Variants in PTPN13 observed in about 807,000 individuals in gnomAD.
PTPN13 encodes the protein tyrosine-protein phosphatase non-receptor type 13.
A neutral mutation model predicts 284.0 loss-of-function variants in PTPN13; 191 were observed. That is an observed-to-expected ratio of 0.67 (90% confidence interval 0.60 to 0.76). The LOEUF (loss-of-function observed/expected upper bound fraction) is 0.76, where lower values mean the gene tolerates loss of function less well. Among genes scored for constraint, PTPN13 ranks in the 30% least tolerant of loss-of-function variants. The pLI is 0.00. For synonymous variants in PTPN13, 986 were observed against 1,022.3 expected (o/e 0.96, Z 0.68); for missense variants, 2,797 against 2,939.9 (o/e 0.95, Z 1.12).
At chr4:86,808,007 C>A in intron 45 of PTPN13, 110 bp downstream of exon 45, 1 of 946,390 alleles carries the variant, frequency 1.1e-6, no homozygotes, top group Non-Finnish European at 1.6e-6. Flanking sequence ...AAGACAGTGA[C>A]TTCCTAGTTC....
At chr4:86,779,224 T>C (rs1741001831) in intron 35 of PTPN13, among the ~76,000 whole-genome samples, 1 of 152,004 alleles carries the variant, frequency 6.6e-6, no homozygotes, top group African/African-American at 2.4e-5. Flanking sequence ...AATGCCAGTT[T>C]CCTCTACGGT....
At position 86,803,828 on chromosome 4, in the gene PTPN13, G is replaced by A; in HGVS notation, c.6625G>A (p.Asp2209Asn). 1 of 1,613,784 alleles carries A rather than the reference G, an allele frequency of 6.2e-7. No individual in the cohort carries two copies. ...SVIRVLRGLL[D>N]QGIPSKELEN... ...CATTCGAGTCCTGCGGGGTTTGCTA[G>A]ATCAAGGAATTCCTTCTAAGGAGCT... is the stretch of plus-strand genomic sequence containing the variant. The change falls in exon 43 of 48, where the codon GAT (aspartate) becomes AAT (asparagine). Residue 2209 changes from aspartate (D) to asparagine (N), a missense_variant. By Grantham distance (23) the Asp-to-Asn change is conservative (BLOSUM62 1). Transcript: ENST00000411767.
At chr4:86,704,877 A>G (rs1731558469) in intron 7 of PTPN13, among the ~76,000 whole-genome samples, 1 of 152,236 alleles carries the variant, frequency 6.6e-6, no homozygotes, top group Non-Finnish European at 1.5e-5. Flanking sequence ...CCATTATTAT[A>G]TAGTAACTTG....
intron 1 of PTPN13, among the ~76,000 whole-genome samples, chr4:86,610,070 C>T (rs147051317): frequency 0.028 from 4,298 of 151,950 alleles, 201 homozygotes; most frequent in African/African-American, 0.09. Flanking sequence ...AAAAATTGGC[C>T]GGGTGTGGTG....
chr4:86,733,703 T>C (rs1023272398), intron 12 of PTPN13, among the ~76,000 whole-genome samples: 1 of 152,132 alleles, frequency 6.6e-6, no homozygotes, highest in Non-Finnish European at 1.5e-5. Flanking sequence ...CATCCAAATA[T>C]CTATTTATAC....
Position 86,787,548 on chromosome 4 carries a change from C to T in PTPN13, c.6345+1612C>T, listed in dbSNP as rs112819447. On this transcript the variant is annotated intron_variant, in intron 40 of 47. Coordinates refer to ENST00000411767, the MANE Select transcript of PTPN13 (RefSeq NM_080683.3). ...CGGAGGTTGCGGTGAGCCGAAATCACGCCATTGCCCTCCAGCCTGGGCAAC... is the reference window on the plus strand; with the variant it reads ...CGGAGGTTGCGGTGAGCCGAAATCATGCCATTGCCCTCCAGCCTGGGCAAC... Among the ~76,000 whole-genome samples the T allele has an allele frequency of 1.3e-3, 203 of 151,008 alleles. 2 individuals carry two copies. The highest frequency in any genetic ancestry group is 4.3e-3 in the African/African-American group (175 of 41,144).
At chr4:86,665,286 T>C (rs1726943691) in intron 2 of PTPN13, among the ~76,000 whole-genome samples, 1 of 152,176 alleles carries the variant, frequency 6.6e-6, no homozygotes, top group Non-Finnish European at 1.5e-5. Context: ...AAAATATCTT[T>C]TATCTCCTAT....
chr4:86,779,723 A>C (rs1436345230), intron 35 of PTPN13, among the ~76,000 whole-genome samples: 1 of 152,106 alleles, frequency 6.6e-6, no homozygotes, highest in East Asian at 1.9e-4. Flanking sequence ...AATACTGTAC[A>C]CCTTAGGCAA....
chr4:86,711,669 G>C (rs147898638), intron 7 of PTPN13, among the ~76,000 whole-genome samples: 1,778 of 152,204 alleles, frequency 0.012, 11 homozygotes, highest in Non-Finnish European at 0.021. Flanking sequence ...ATGGACCCTA[G>C]TACACTAATT....
chr4:86,763,238 A>C (rs763919295), intron 24 of PTPN13, 48 bp downstream of exon 24: 13 of 1,437,522 alleles, frequency 9.0e-6, no homozygotes, highest in Non-Finnish European at 1.2e-5. Flanking sequence ...ACAAAGCAAA[A>C]TAGCAGCAAA....
chr4:86,760,861 A>G (rs934200368), intron 23 of PTPN13, among the ~76,000 whole-genome samples: 4 of 152,082 alleles, frequency 2.6e-5, no homozygotes, highest in Admixed American at 6.6e-5. Context: ...CTTTGAAAAG[A>G]GGTAAAACCC....
intron 1 of PTPN13, among the ~76,000 whole-genome samples, chr4:86,615,700 C>T (rs1720461299): frequency 6.6e-6 from 1 of 151,972 alleles, no homozygotes; most frequent in African/African-American, 2.4e-5. Context: ...AAGAGTTTTT[C>T]TATATTATTA....
chr4:86,726,581 G>A (rs1267927491), intron 10 of PTPN13, among the ~76,000 whole-genome samples: 1 of 149,062 alleles, frequency 6.7e-6, no homozygotes, highest in Non-Finnish European at 1.5e-5. Flanking sequence ...TGTAGTAATT[G>A]TGAATGGGAA....
chr4:86,814,052 G>A (rs1745529755), intron 47 of PTPN13, among the ~76,000 whole-genome samples: 1 of 126,538 alleles, frequency 7.9e-6, no homozygotes, highest in Admixed American at 9.6e-5. Flanking sequence ...TCTGTCACCA[G>A]GCTGGAGTGC....
intron 2 of PTPN13, among the ~76,000 whole-genome samples, chr4:86,671,963 A>G (rs7654160): frequency 0.021 from 3,197 of 152,302 alleles, 107 homozygotes; most frequent in African/African-American, 0.074. Flanking sequence ...TGAGAGAGAA[A>G]CCACACCTTT....
At position 86,775,627 on chromosome 4, in the gene PTPN13, C is replaced by T. The variant is rs201292734; in HGVS notation, c.5866C>T (p.Pro1956Ser). 14 of 1,612,290 alleles carry T rather than the reference C, an allele frequency of 8.7e-6. No homozygotes were observed. In the South Asian group the frequency reaches 1.3e-4, roughly 15 times the overall value. ...EVNRALDMSL[P>S]SLVLKATRND... ...TAACAGAGCATTAGACATGTCACTT[C>T]CTTCATTGGTATTGAAAGCAACAAG... Residue 1956 changes from proline to serine, a missense_variant, in exon 35 of 48, where the codon CCT (proline) becomes TCT (serine). Coordinates refer to ENST00000411767, the MANE Select transcript of PTPN13 (RefSeq NM_080683.3).
intron 2 of PTPN13, among the ~76,000 whole-genome samples, chr4:86,671,825 G>C (rs975716070): frequency 6.6e-6 from 1 of 152,138 alleles, no homozygotes; most frequent in African/African-American, 2.4e-5. Context: ...CAAAGGAATT[G>C]ATTTCTATCC....
chr4:86,661,856 T>G (rs1726524845), intron 2 of PTPN13, among the ~76,000 whole-genome samples: 1 of 152,200 alleles, frequency 6.6e-6, no homozygotes, highest in South Asian at 2.1e-4. Context: ...CCCTTGAAAG[T>G]AAAATGAAAT....
At chr4:86,683,986 C>T (rs1390130920) in intron 3 of PTPN13, among the ~76,000 whole-genome samples, 2 of 152,016 alleles carry the variant, frequency 1.3e-5, no homozygotes, top group African/African-American at 4.8e-5. Context: ...TACAAATAGT[C>T]TGCACTAGGC....
Sources: gnomAD v4.1 joint callset for allele counts (sites outside exome capture counted in the v4.1 genomes callset) on GRCh38, gnomAD v4.1.1 for gene constraint, MANE v1.5 for transcripts, NCBI Gene and HGNC (gene_info 2026-07-23, HGNC 2026-07-21) for gene names.